The following PRH1 variants were observed in gnomAD, a reference collection of about 807,000 sequenced individuals.
The protein encoded by PRH1 is proline rich protein HaeIII subfamily 1, also known as salivary acidic proline-rich phosphoprotein 1/2.
Under a neutral mutation model 7.9 loss-of-function variants are expected in PRH1, and 7 were observed. The ratio of observed to expected loss-of-function variants is 0.89; its 90% CI spans 0.50 to 1.67. The LOEUF (loss-of-function observed/expected upper bound fraction) is 1.67. PRH1 is among the 40% of genes most tolerant of loss of function. The pLI, the probability that PRH1 is intolerant of heterozygous loss-of-function variation, is 0.00. For synonymous variants in PRH1, 45 were observed against 80.8 expected, an observed-to-expected ratio of 0.56 and a Z score of 2.38; for missense variants, 109 against 223.6, an observed-to-expected ratio of 0.49 and a Z score of 3.27.
downstream of PRH1, among the ~76,000 whole-genome samples, chr12:11,118,496 AT>A (rs35757491): frequency 0.29 from 44,016 of 152,088 alleles, 8,234 homozygotes; most frequent in East Asian, 0.74. Context: ...TAAAACCACT[AT>A]GGAAAACAGT....
At chr12:11,071,107 T>A (rs1944046442) in intron 1 of PRH1, among the ~76,000 whole-genome samples, 1 of 135,402 alleles carries the variant, frequency 7.4e-6, no homozygotes, top group Non-Finnish European at 1.7e-5. Context: ...GGGCACATTT[T>A]TCTAACTATG....
intron 1 of PRH1, among the ~76,000 whole-genome samples, chr12:11,156,384 GGATT>G (rs1280163389): frequency 1.2e-4 from 19 of 152,164 alleles, no homozygotes; most frequent in Middle Eastern, 3.4e-3. Context: ...TCGAATGTAT[GGATT>G]GATACATTTT....
At position 11,148,695 on chromosome 12, in the gene PRH1, T is replaced by A. The variant is rs1946953476; in HGVS notation, n.39+22727A>T. ...GCTGCTGGATTCGGTTTGCCAGTAT[T>A]TTATTGAGGATTTTTGCATCAATGT... is the stretch of plus-strand genomic sequence containing the variant. On this transcript the variant is annotated intron_variant and non_coding_transcript_variant, in intron 1 of 1. Coordinates refer to the PRH1 transcript ENST00000541175. Among the ~76,000 whole-genome samples the A allele has an allele frequency of 1.7e-5, 2 of 114,912 alleles. 1 individual carries two copies. The highest frequency in any genetic ancestry group is 5.8e-5 in the African/African-American group (2 of 34,212). 75.4% of individuals were successfully genotyped at this position (114,912 alleles called of 152,430 possible).
chr12:10,972,897 A>G (rs1352106232), intron 2 of PRH1, among the ~76,000 whole-genome samples: 2 of 151,588 alleles, frequency 1.3e-5, no homozygotes, highest in Non-Finnish European at 2.9e-5. Context: ...CTTATTGGTA[A>G]CAAGCCAATT....
At chr12:11,109,549 C>A (rs1051705320) in intron 1 of PRH1, among the ~76,000 whole-genome samples, 1 of 152,152 alleles carries the variant, frequency 6.6e-6, no homozygotes, top group African/African-American at 2.4e-5. Context: ...GGACCTCCAG[C>A]AAACTACAGC....
At chr12:10,990,471 T>C (rs1307458704) in intron 1 of PRH1, among the ~76,000 whole-genome samples, 1 of 152,208 alleles carries the variant, frequency 6.6e-6, no homozygotes, top group African/African-American at 2.4e-5. Flanking sequence ...CCAGTGTTGC[T>C]AGCATGGGAT....
intron 2 of PRH1, chr12:10,909,277 T>C (rs1438896804): frequency 4.3e-6 from 7 of 1,612,890 alleles, no homozygotes; most frequent in Non-Finnish European, 5.9e-6. Flanking sequence ...AGAGTGAAGA[T>C]ACTCGGCAGG....
intron 1 of PRH1, chr12:11,031,395 G>A: frequency 6.3e-7 from 1 of 1,574,956 alleles, no homozygotes; most frequent in Admixed American, 1.8e-5. Context: ...GTTGGTTCCT[G>A]CAGGTGGGTT....
intron 1 of PRH1, among the ~76,000 whole-genome samples, chr12:10,988,490 A>G (rs1939762133): frequency 6.6e-6 from 1 of 152,162 alleles, no homozygotes; most frequent in African/African-American, 2.4e-5. Context: ...TCAACTCTCT[A>G]AGAGTTGTAT....
At chr12:10,931,604 G>T (rs1950214553) in intron 2 of PRH1, among the ~76,000 whole-genome samples, 1 of 152,054 alleles carries the variant, frequency 6.6e-6, no homozygotes, top group Non-Finnish European at 1.5e-5. Flanking sequence ...AAGCTAAATA[G>T]CAATTCATTT....
At position 11,133,501 on chromosome 12, in the gene PRH1, T is replaced by A. The variant is rs769752911; in HGVS notation, n.40-12321A>T. ...TTTCCAGCCTCCCAAAATTACAAACTGATATGATCATGGACAGAAAGTAAA... is the reference window on the plus strand; with the variant it reads ...TTTCCAGCCTCCCAAAATTACAAACAGATATGATCATGGACAGAAAGTAAA... On this transcript the variant is annotated intron_variant and non_coding_transcript_variant, in intron 1 of 1. Coordinates refer to the PRH1 transcript ENST00000541175. 4 of 1,614,142 alleles carry A rather than the reference T, an allele frequency of 2.5e-6. No individual in the cohort carries two copies. In the South Asian group the frequency reaches 4.4e-5, roughly 18 times the overall value.
chr12:10,976,162 AC>A, intron 1 of PRH1, among the ~76,000 whole-genome samples: 1 of 152,330 alleles, frequency 6.6e-6, no homozygotes. Flanking sequence ...AATGAACCAC[AC>A]AATCTAACAT....
At chr12:11,122,774 T>C (rs1384099420) in intron 1 of PRH1, among the ~76,000 whole-genome samples, 12 of 152,150 alleles carry the variant, frequency 7.9e-5, no homozygotes, top group Non-Finnish European at 1.5e-4. Context: ...GGAAAATTTC[T>C]CCTAATTAAT....
At chr12:10,895,360 C>T (rs1949629353) in intron 2 of PRH1, 1 of 152,130 alleles carries the variant, frequency 6.6e-6, no homozygotes, top group African/African-American at 2.4e-5. Flanking sequence ...TGAAATCATG[C>T]ATGGTATCCA....
chr12:11,022,808 T>C (rs940795602), intron 1 of PRH1, among the ~76,000 whole-genome samples: 13 of 152,298 alleles, frequency 8.5e-5, no homozygotes, highest in Middle Eastern at 3.4e-3. Flanking sequence ...TCACTCCTCT[T>C]CATATACATT....
chr12:11,023,152 G>A (rs368637078), intron 1 of PRH1, among the ~76,000 whole-genome samples: 1 of 152,092 alleles, frequency 6.6e-6, no homozygotes, highest in East Asian at 1.9e-4. Context: ...GGAAATCCCT[G>A]GGAGGCTGAT....
intron 1 of PRH1, among the ~76,000 whole-genome samples, chr12:11,015,450 T>C (rs1336275220): frequency 6.6e-6 from 1 of 152,150 alleles, no homozygotes; most frequent in Non-Finnish European, 1.5e-5. Context: ...TCCCTCAGTC[T>C]CTTTTTCCGC....
intron 2 of PRH1, chr12:10,964,921 A>G (rs1938432180): frequency 3.4e-6 from 2 of 592,810 alleles, no homozygotes; most frequent in Non-Finnish European, 6.2e-6. Flanking sequence ...TTACCACAAC[A>G]AGATGACAAA....
At chr12:10,922,839 T>TTTTTTTTTTTTTTTTTG (rs1950068130) in intron 2 of PRH1, among the ~76,000 whole-genome samples, 1 of 127,696 alleles carries the variant, frequency 7.8e-6, no homozygotes, top group Admixed American at 8.2e-5. Context: ...TTCTTTTTTT[T>TTTTTTTTTTTTTTTTTG]GAGACGGAGT....
Sources: gnomAD v4.1 joint callset for allele counts (sites outside exome capture counted in the v4.1 genomes callset) on GRCh38, gnomAD v4.1.1 for gene constraint, MANE v1.5 for transcripts, NCBI Gene and HGNC (gene_info 2026-07-23, HGNC 2026-07-21) for gene names.